NIBAN1: variants seen among roughly 807,000 people sequenced by gnomAD.
NIBAN1 encodes the protein protein Niban 1.
NIBAN1 carries 81 observed loss-of-function variants against 75.1 expected under a neutral mutation model. The ratio of observed to expected loss-of-function variants is 1.08; its 90% CI spans 0.90 to 1.30. NIBAN1 has a LOEUF of 1.30. Ranked by LOEUF, NIBAN1 falls within the 50% of genes most tolerant of loss-of-function variation. The probability of loss-of-function intolerance (pLI) is 0.00; values close to 1 mark genes in which losing one functional copy is unlikely to be tolerated. For synonymous variants in NIBAN1, 436 were observed against 424.8 expected, an observed-to-expected ratio of 1.03 and a Z score of -0.32; for missense variants, 1,133 against 1,128.1, an observed-to-expected ratio of 1.00 and a Z score of -0.06.
At chr1:184,821,512 G>A (rs1654698826) in intron 8 of NIBAN1, 1 of 152,104 alleles carries the variant, frequency 6.6e-6, no homozygotes, top group Non-Finnish European at 1.5e-5. Flanking sequence ...AAAAAGACTT[G>A]ATCATTACTT....
intron 1 of NIBAN1, among the ~76,000 whole-genome samples, chr1:184,942,135 C>T (rs531436269): frequency 1.3e-5 from 2 of 152,286 alleles, no homozygotes; most frequent in South Asian, 4.1e-4. Context: ...CTCAAATACA[C>T]ACAAATTATT....
At chr1:184,808,807 A>G (rs1268747895) in intron 9 of NIBAN1, among the ~76,000 whole-genome samples, 1 of 152,040 alleles carries the variant, frequency 6.6e-6, no homozygotes, top group Non-Finnish European at 1.5e-5. Context: ...GTACTGGGAG[A>G]GGTATCCAGT....
intron 3 of NIBAN1, among the ~76,000 whole-genome samples, chr1:184,891,908 CA>C (rs1656676604): frequency 6.6e-6 from 1 of 151,996 alleles, no homozygotes; most frequent in Admixed American, 6.6e-5. Flanking sequence ...TTCCAAGTTT[CA>C]AAAAACACTT....
At position 184,916,876 on chromosome 1, in the gene NIBAN1, A is replaced by G. The variant is rs1657398944; in HGVS notation, c.56-17567T>C. On this transcript the variant is annotated intron_variant, in intron 1 of 13. Coordinates refer to ENST00000367511, the MANE Select transcript of NIBAN1 (RefSeq NM_052966.4). ...AGCTCTTGCCCCTCCCGATTTCCCT[A>G]ACCCTAGAACCCCTCCAAGTTTTAC... Among the ~76,000 whole-genome samples the G allele has an allele frequency of 7.9e-5, 12 of 152,108 alleles. No homozygotes were observed. In the South Asian group the frequency reaches 2.5e-3, roughly 32 times the overall value.
In NIBAN1 at chr1:184,974,499, G is replaced by A. The variant is rs529163358; in HGVS notation, c.-143C>T. The A allele has an allele frequency of 7.9e-6, 9 of 1,136,468 alleles. No homozygotes were observed. The highest frequency in any genetic ancestry group is 3.1e-5 in the East Asian group (1 of 32,530). The allele number at this position is 1,136,468 out of a possible 1,614,324, so 70.4% of individuals were successfully genotyped here. A position where few individuals can be genotyped will look rare whatever the true frequency, so the allele number is the denominator to read the frequency against. On this transcript the variant is annotated 5_prime_UTR_variant, in exon 1 of 14. The change creates a new upstream start codon in the 5' untranslated region. Coordinates refer to ENST00000367511, the MANE Select transcript of NIBAN1 (RefSeq NM_052966.4). ...AGGCGAGAGACAGGAGGCAAGAGGC[G>A]TCGCCTTCTGGGGCGCCTCCTCCAG...
intron 6 of NIBAN1, 139 bp downstream of exon 6, chr1:184,831,708 C>A (rs865933467): frequency 1.2e-5 from 8 of 647,860 alleles, no homozygotes; most frequent in Non-Finnish European, 2.2e-5. Context: ...TGCTTGCAGA[C>A]ATGAGAGAGA....
chr1:184,931,372 C>A (rs1202793947), intron 1 of NIBAN1, among the ~76,000 whole-genome samples: 1 of 152,164 alleles, frequency 6.6e-6, no homozygotes, highest in Non-Finnish European at 1.5e-5. Flanking sequence ...CCACTAGTTG[C>A]TATCATGATG....
At chr1:184,885,732 A>T (rs1656508621) in intron 4 of NIBAN1, among the ~76,000 whole-genome samples, 1 of 152,164 alleles carries the variant, frequency 6.6e-6, no homozygotes, top group South Asian at 2.1e-4. Flanking sequence ...CCAGCTCCTG[A>T]AACCCAACTG....
intron 1 of NIBAN1, among the ~76,000 whole-genome samples, chr1:184,962,705 A>G (rs1284380640): frequency 6.6e-6 from 1 of 152,146 alleles, no homozygotes; most frequent in Non-Finnish European, 1.5e-5. Context: ...TCAGGAGCCA[A>G]CTTGAAGAGT....
chr1:184,811,944 T>C (rs181548510), intron 9 of NIBAN1, among the ~76,000 whole-genome samples: 7 of 152,296 alleles, frequency 4.6e-5, no homozygotes, highest in Non-Finnish European at 1.0e-4. Context: ...ATTAGGCATG[T>C]ACAGGATTGT....
chr1:184,961,941 C>T (rs1204952866), intron 1 of NIBAN1, among the ~76,000 whole-genome samples: 3 of 152,224 alleles, frequency 2.0e-5, no homozygotes, highest in South Asian at 2.1e-4. Context: ...GGGCCACAGA[C>T]AGTAGGAAGA....
rs919285685 is a variant in NIBAN1 at position 184,794,160 on chromosome 1, T to C, written c.*817A>G. The C allele has an allele frequency of 6.6e-6, 1 of 152,246 alleles. No homozygotes were observed. Among genetic ancestry groups the C allele is most frequent in the African/African-American group, 2.4e-5 (1 of 41,428 alleles). 9.4% of individuals were successfully genotyped at this position (152,246 alleles called of 1,614,324 possible). A position where few individuals can be genotyped will look rare whatever the true frequency, so the allele number is the denominator to read the frequency against. The stretch of plus-strand genomic sequence containing the variant: ...GCGTGGCATGCAGTAACTGTTCAAA[T>C]AATGTTTGTTTAATTGACGGGTTTT... On this transcript the variant is annotated 3_prime_UTR_variant, in exon 14 of 14. Coordinates refer to ENST00000367511, the MANE Select transcript of NIBAN1 (RefSeq NM_052966.4).
At chr1:184,926,559 CT>C (rs1344319950) in intron 1 of NIBAN1, among the ~76,000 whole-genome samples, 2 of 152,140 alleles carry the variant, frequency 1.3e-5, no homozygotes, top group African/African-American at 4.8e-5. Context: ...TTATTTGTTT[CT>C]TTTCTCTTGC....
intron 1 of NIBAN1, among the ~76,000 whole-genome samples, chr1:184,934,895 AAAAT>A (rs546897679): frequency 4.6e-5 from 7 of 150,850 alleles, no homozygotes; most frequent in Non-Finnish European, 8.9e-5. Context: ...TCCATCTCAA[AAAAT>A]AAATAAATAA....
chr1:184,865,311 C>G (rs1424036435), intron 5 of NIBAN1, among the ~76,000 whole-genome samples: 1 of 152,052 alleles, frequency 6.6e-6, no homozygotes, highest in African/African-American at 2.4e-5. Context: ...TCCTTTGTAG[C>G]AACATGGAGG....
chr1:184,796,045 C>T lies in NIBAN1; in HGVS notation c.1719G>A (p.Met573Ile), dbSNP rs1185083251. Residue 573 changes from methionine (M) to isoleucine (I), a missense_variant, in exon 14 of 14, where the codon ATG becomes ATA. Coordinates refer to ENST00000367511, the MANE Select transcript of NIBAN1 (RefSeq NM_052966.4). ...TGGACACACTTTCACTGGGCAAGGC[C>T]ATGTTATCTTCAAATAAGTTGTGTT... ...LKKHNLFEDN[M>I]ALPSESVSSL... 2 of 1,589,286 alleles carry T rather than the reference C, an allele frequency of 1.3e-6. No homozygotes were observed. The highest frequency in any genetic ancestry group is 4.5e-5 in the East Asian group (2 of 44,482).
chr1:184,813,549 T>C (rs1654442329), intron 9 of NIBAN1, among the ~76,000 whole-genome samples: 1 of 152,230 alleles, frequency 6.6e-6, no homozygotes. Flanking sequence ...TAAAGAAGGT[T>C]ATAAAGAAAA....
At chr1:184,936,710 CGTGT>C (rs1256798053) in intron 1 of NIBAN1, among the ~76,000 whole-genome samples, 5 of 151,702 alleles carry the variant, frequency 3.3e-5, no homozygotes, top group Non-Finnish European at 7.4e-5. Context: ...TGTGTGTGTG[CGTGT>C]GTGTGTGTAA....
Position 184,794,272 on chromosome 1 carries a change from T to G in NIBAN1, c.*705A>C, listed in dbSNP as rs544916806. 3.2e-4 allele frequency: 49 copies of G among 153,624 alleles called. No individual in the cohort carries two copies. The highest frequency in any genetic ancestry group is 6.1e-4 in the Non-Finnish European group (42 of 69,070). The allele number at this position is 153,624 out of a possible 1,614,324, so 9.5% of individuals were successfully genotyped here. On this transcript the variant is annotated 3_prime_UTR_variant, in exon 14 of 14. Coordinates refer to ENST00000367511, the MANE Select transcript of NIBAN1 (RefSeq NM_052966.4). The stretch of plus-strand genomic sequence containing the variant: ...CTTACCCAGGCCAATAAAATTTTCT[T>G]GCCTCATCTGAATTTCCTGCAAATG...
Sources: allele counts gnomAD v4.1 joint callset (sites outside exome capture counted in the v4.1 genomes callset), GRCh38; gene constraint gnomAD v4.1.1; transcripts MANE v1.5; gene names NCBI Gene and HGNC (gene_info 2026-07-23, HGNC 2026-07-21).